The following INTS6 variants were observed in gnomAD, a reference collection of about 807,000 sequenced individuals.
INTS6 encodes DEAD box protein.
A neutral mutation model predicts 104.9 loss-of-function variants in INTS6; 16 were observed. The ratio of observed to expected loss-of-function variants is 0.15; its 90% confidence interval spans 0.10 to 0.23. INTS6 has a LOEUF of 0.23. Among genes scored for constraint, INTS6 ranks in the 10% least tolerant of loss-of-function variants. The probability of loss-of-function intolerance (pLI) is 1.00; values close to 1 mark genes in which losing one functional copy is unlikely to be tolerated. For missense variants in INTS6, 584 were observed against 1,062.8 expected (o/e 0.55, Z 6.26); for synonymous variants, 324 against 358.7 (o/e 0.90, Z 1.09).
chr13:51,354,611 T>C (rs886239472), intron 3 of INTS6, among the ~76,000 whole-genome samples: 1 of 150,486 alleles, frequency 6.6e-6, no homozygotes, highest in African/African-American at 2.4e-5. Context: ...AAAAAGTGTT[T>C]AAAAAATGAA....
intron 15 of INTS6, among the ~76,000 whole-genome samples, chr13:51,372,374 A>G (rs1229913446): frequency 6.6e-6 from 1 of 151,444 alleles, no homozygotes; most frequent in Non-Finnish European, 1.5e-5. Context: ...AGCTTCCATG[A>G]CATTAAATTC....
At chr13:51,444,217 T>C (rs1421009405) in intron 3 of INTS6, 1 of 149,318 alleles carries the variant, frequency 6.7e-6, no homozygotes, top group Non-Finnish European at 1.5e-5. Flanking sequence ...CCTGAGTAGC[T>C]AGGACTACAG....
Position 51,430,469 on chromosome 13 carries a change from C to T in INTS6, c.340-86G>A, listed in dbSNP as rs182250831. 1,038 of 901,134 alleles carry T rather than the reference C, an allele frequency of 1.2e-3. 4 individuals are homozygous for T. The highest frequency in any genetic ancestry group is 2.8e-3 in the East Asian group (114 of 40,870). 55.8% of individuals were successfully genotyped at this position (901,134 alleles called of 1,614,324 possible). A position where few individuals can be genotyped will look rare whatever the true frequency, so the allele number is the denominator to read the frequency against. On this transcript the variant is annotated intron_variant, in intron 3 of 17. Transcript: ENST00000311234. ...GTCAATTCTCAGAACAGCATATATA[C>T]GATCTCCCTTTCTAGTTTCATTTTA...
intron 4 of INTS6, among the ~76,000 whole-genome samples, chr13:51,407,892 C>T (rs1053275582): frequency 2.0e-5 from 3 of 151,690 alleles, no homozygotes; most frequent in Middle Eastern, 3.4e-3. Flanking sequence ...TGGCACACGC[C>T]TGTAATCCCA....
At chr13:51,366,827 G>A (rs910066945) in intron 17 of INTS6, among the ~76,000 whole-genome samples, 3 of 151,948 alleles carry the variant, frequency 2.0e-5, no homozygotes, top group East Asian at 1.9e-4. Context: ...AAGAGACAGG[G>A]GGACAAAGTA....
In INTS6 at chr13:51,452,929, G is replaced by A. The variant is rs1593792427; in HGVS notation, c.-404C>T. 2.8e-6 allele frequency: 3 copies of A among 1,074,334 alleles called. No individual in the cohort carries two copies. In the East Asian group the frequency reaches 3.2e-4, roughly 113 times the overall value. The allele number at this position is 1,074,334 out of a possible 1,614,324, so 66.6% of individuals were successfully genotyped here. The stretch of plus-strand genomic sequence containing the variant: ...GGGACCTGGGAGCTGGCGAAGAGGG[G>A]AGTGGGCTGAGGGAAGATTGGCCCT... On this transcript the variant is annotated 5_prime_UTR_variant, in exon 1 of 18. Coordinates refer to ENST00000311234, the MANE Select transcript of INTS6 (RefSeq NM_012141.3). The surrounding 1 kb of genome is among the most constrained non-coding windows in gnomAD (Gnocchi z 4.2).
In INTS6 at chr13:51,374,219, G is replaced by A; in HGVS notation, c.2093C>T (p.Pro698Leu). Reference protein sequence around the residue: ...QAQPDLIKPLPLHKISETTND... With the variant: ...QAQPDLIKPLLLHKISETTND... ...AAAACAATTCTTACTTTTATGAAGA[G>A]GAAGAGGTTTAATAAGATCTGGCTG... The change falls in exon 15 of 18, where the codon CCT becomes CTT. Residue 698 changes from proline to leucine, a missense_variant. This residue lies in a region of INTS6 where 296 missense variants were observed against 437.0 expected (regional missense o/e 0.68). Transcript: ENST00000311234. 6.2e-7 allele frequency: 1 copy of A among 1,612,074 alleles called. No individual in the cohort carries two copies. Among genetic ancestry groups the A allele is most frequent in the Non-Finnish European group, 8.5e-7 (1 of 1,178,302 alleles).
chr13:51,351,967 C>T (rs1367671277), downstream of INTS6, among the ~76,000 whole-genome samples: 1 of 152,060 alleles, frequency 6.6e-6, no homozygotes, highest in Non-Finnish European at 1.5e-5. Flanking sequence ...AAGTTTATTT[C>T]TGGACTTTCA....
chr13:51,338,173 C>A, the INTS6 span, among the ~76,000 whole-genome samples: 1 of 152,126 alleles, frequency 6.6e-6, no homozygotes, highest in African/African-American at 2.4e-5. Flanking sequence ...TTTTTATAAG[C>A]TTCTCTCCAC....
In INTS6 at chr13:51,364,049, G is replaced by T. The variant is rs895110210; in HGVS notation, c.*1703C>A. 3.5e-5 allele frequency: 13 copies of T among 372,166 alleles called. No individual in the cohort carries two copies. Among genetic ancestry groups the T allele is most frequent in the Non-Finnish European group, 6.2e-5 (13 of 210,870 alleles). The allele number at this position is 372,166 out of a possible 1,614,324, so 23.1% of individuals were successfully genotyped here. ...TCTAAATATATATAATTTAGGAACA[G>T]ACAATATATTCTGGATTTTGTGTAA... On this transcript the variant is annotated 3_prime_UTR_variant, in exon 18 of 18. Coordinates refer to ENST00000311234, the MANE Select transcript of INTS6 (RefSeq NM_012141.3).
At chr13:51,398,317 T>C (rs750609651) in intron 4 of INTS6, among the ~76,000 whole-genome samples, 13 of 151,828 alleles carry the variant, frequency 8.6e-5, no homozygotes, top group Admixed American at 2.6e-4. Context: ...TCAAGGAAAA[T>C]TGCACATAAA....
chr13:51,446,163 A>C (rs935313333), intron 3 of INTS6: 24 of 152,224 alleles, frequency 1.6e-4, no homozygotes, highest in African/African-American at 5.1e-4. Context: ...TTTGCAAATC[A>C]TTTATCTGAT....
chr13:51,344,139 T>C, the INTS6 span: 974 of 747,010 alleles, frequency 1.3e-3, 1 homozygote, highest in Non-Finnish European at 1.9e-3. Context: ...ATGAACCTTA[T>C]GAGCAAGAGT....
At chr13:51,389,033 T>C (rs1053266083) in intron 6 of INTS6, among the ~76,000 whole-genome samples, 7 of 152,334 alleles carry the variant, frequency 4.6e-5, no homozygotes, top group African/African-American at 1.2e-4. Context: ...AATTGTATAA[T>C]ACTACAAAGA....
At position 51,365,370 on chromosome 13, in the gene INTS6, C is replaced by A; in HGVS notation, c.*382G>T. 6.6e-6 allele frequency: 1 copy of A among 152,530 alleles called. No individual in the cohort carries two copies. The highest frequency in any genetic ancestry group is 1.4e-5 in the Non-Finnish European group (1 of 69,058). The allele number at this position is 152,530 out of a possible 1,614,324, so 9.4% of individuals were successfully genotyped here. A position where few individuals can be genotyped will look rare whatever the true frequency, so the allele number is the denominator to read the frequency against. ...AGTTTTAATGTATGTGCTTTTTTCC[C>A]CAAAAATTACAAAGTAACTTCTTTT... On this transcript the variant is annotated 3_prime_UTR_variant, in exon 18 of 18. Coordinates refer to ENST00000311234, the MANE Select transcript of INTS6 (RefSeq NM_012141.3).
intron 3 of INTS6, chr13:51,438,838 G>A (rs894277500): frequency 1.3e-5 from 2 of 152,100 alleles, no homozygotes; most frequent in African/African-American, 4.8e-5. Context: ...GCTAATTCCT[G>A]ATAATCCAAA....
the INTS6 span, among the ~76,000 whole-genome samples, chr13:51,349,061 C>T: frequency 0.025 from 3,772 of 152,238 alleles, 61 homozygotes; most frequent in South Asian, 0.056. Context: ...CATAACTTTA[C>T]AAAAAGACTC....
downstream of INTS6, among the ~76,000 whole-genome samples, chr13:51,351,846 C>G (rs1955406209): frequency 6.6e-6 from 1 of 151,942 alleles, no homozygotes; most frequent in South Asian, 2.1e-4. Context: ...CAACTTCATT[C>G]TTTTGTGTGT....
the INTS6 span, among the ~76,000 whole-genome samples, chr13:51,336,305 T>C: frequency 6.6e-6 from 1 of 152,066 alleles, no homozygotes; most frequent in Non-Finnish European, 1.5e-5. Context: ...CTGGCCAACA[T>C]GGCGAAACCC....
Sources: allele counts gnomAD v4.1 joint callset (sites outside exome capture counted in the v4.1 genomes callset), GRCh38; gene constraint gnomAD v4.1.1; regional missense constraint gnomAD v4.1.1; non-coding constraint Gnocchi (gnomAD v3.1); transcripts MANE v1.5; gene names NCBI Gene and HGNC (gene_info 2026-07-23, HGNC 2026-07-21).